Variants in EVI5 observed in about 807,000 individuals in gnomAD.
EVI5 encodes ecotropic viral integration site 5 protein homolog.
A neutral mutation model predicts 112.0 loss-of-function variants in EVI5; 73 were observed. The observed-to-expected ratio is 0.65, with a 90% CI of 0.54 to 0.79. The LOEUF (loss-of-function observed/expected upper bound fraction) is 0.79. Among genes scored for constraint, EVI5 ranks in the 30% least tolerant of loss-of-function variants. The pLI is 0.00. For synonymous variants in EVI5, 305 were observed against 319.9 expected (o/e 0.95, Z 0.50); for missense variants, 900 against 968.8 (o/e 0.93, Z 0.94).
chr1:92,568,953 G>C (rs1217905675), intron 18 of EVI5, among the ~76,000 whole-genome samples: 1 of 152,168 alleles, frequency 6.6e-6, no homozygotes, highest in Non-Finnish European at 1.5e-5. Flanking sequence ...AGTTTTGGGG[G>C]AGTCAAAAGT....
At chr1:92,747,435 C>T (rs1161966847) in intron 1 of EVI5, among the ~76,000 whole-genome samples, 2 of 151,888 alleles carry the variant, frequency 1.3e-5, no homozygotes, top group East Asian at 3.8e-4. Flanking sequence ...AGAAATAAGC[C>T]GGGTGTGGTG....
At chr1:92,749,042 G>C (rs965793155) in intron 1 of EVI5, 1 of 167,160 alleles carries the variant, frequency 6.0e-6, no homozygotes, top group African/African-American at 2.5e-5. Flanking sequence ...CTCTAGCCTG[G>C]GCAACAAGAG....
intron 19 of EVI5, among the ~76,000 whole-genome samples, chr1:92,556,580 T>C (rs1230582707): frequency 1.3e-5 from 2 of 152,208 alleles, no homozygotes; most frequent in Non-Finnish European, 2.9e-5. Flanking sequence ...TCCAAGAACC[T>C]ACTGACAATG....
intron 18 of EVI5, among the ~76,000 whole-genome samples, chr1:92,581,691 C>CTT (rs10658688): frequency 9.4e-6 from 1 of 105,958 alleles, no homozygotes; most frequent in African/African-American, 5.1e-5. Flanking sequence ...CAAGTTTTTG[C>CTT]TTAAAAAAAA....
chr1:92,611,425 G>A (rs965368761), intron 16 of EVI5, among the ~76,000 whole-genome samples: 18 of 151,788 alleles, frequency 1.2e-4, no homozygotes, highest in African/African-American at 3.9e-4. Flanking sequence ...TGGGCCGGGC[G>A]TGGTGGCTCA....
At position 92,740,131 on chromosome 1, in the gene EVI5, C is replaced by A. The variant is rs140099679; in HGVS notation, c.-81-3504G>T. ...AATATTTCCTAATACTTTTTCATAT[C>A]TGTTTACTGAATGAACACATGAGAT... On this transcript the variant is annotated intron_variant, in intron 1 of 19. Transcript: ENST00000684568. Among the ~76,000 whole-genome samples, 106 of 152,292 alleles carry A rather than the reference C, an allele frequency of 7.0e-4. 1 individual carries two copies. Among genetic ancestry groups the A allele is most frequent in the African/African-American group, 2.5e-3 (104 of 41,558 alleles).
chr1:92,704,676 A>G lies in EVI5; in HGVS notation c.218T>C (p.Leu73Pro). The change falls in exon 3 of 20, where the codon CTT becomes CCT. Residue 73 changes from leucine (L) to proline (P), a missense_variant. Coordinates refer to ENST00000684568, the MANE Select transcript of EVI5 (RefSeq NM_001350197.2). ...NGSRRNSGSS[L>P]VSSSSASSNL... ...GCTAGAGGCTGATGAACTCGACACAAGAGAAGAGCCACTGTTTCTTCTTGA... is the reference window on the plus strand; with the variant it reads ...GCTAGAGGCTGATGAACTCGACACAGGAGAAGAGCCACTGTTTCTTCTTGA... 6.2e-7 allele frequency: 1 copy of G among 1,604,692 alleles called. No individual in the cohort carries two copies. Among genetic ancestry groups the G allele is most frequent in the Non-Finnish European group, 8.5e-7 (1 of 1,173,872 alleles).
chr1:92,705,297 C>T lies in EVI5; in HGVS notation c.150-553G>A, dbSNP rs149028397. On this transcript the variant is annotated intron_variant, in intron 2 of 19. Coordinates refer to ENST00000684568, the MANE Select transcript of EVI5 (RefSeq NM_001350197.2). ...TAAAAACTGAGCTATTACTAATATA[C>T]TAAAATTGGAGGATTTCACATATTT... is the stretch of plus-strand genomic sequence containing the variant. Among the ~76,000 whole-genome samples, 322 of 152,242 alleles carry T rather than the reference C, an allele frequency of 2.1e-3. 5 individuals carry two copies. The East Asian group carries it at 0.045, about 21-fold the overall frequency.
chr1:92,627,155 T>C (rs1355761090), intron 14 of EVI5, among the ~76,000 whole-genome samples: 1 of 152,174 alleles, frequency 6.6e-6, no homozygotes, highest in Non-Finnish European at 1.5e-5. Flanking sequence ...CTTCTATCCC[T>C]CACTCCCCTC....
At chr1:92,658,631 A>G (rs1469121095) in intron 13 of EVI5, among the ~76,000 whole-genome samples, 1 of 152,222 alleles carries the variant, frequency 6.6e-6, no homozygotes. Context: ...TGGAAGAATC[A>G]GTATCATTAA....
rs1402712946 is a variant in EVI5 at position 92,564,680 on chromosome 1, AG to A, written c.2071-944del. ...CGAACATAAATTATTTTTCAGATAA[AG>A]ATTTTTTTTTTTTTTTTTGAGATGG... On this transcript the variant is annotated intron_variant, in intron 18 of 19. Coordinates refer to ENST00000684568, the MANE Select transcript of EVI5 (RefSeq NM_001350197.2). Among the ~76,000 whole-genome samples the A allele has an allele frequency of 1.2e-4, 13 of 108,142 alleles. No homozygotes were observed. In the South Asian group the frequency reaches 4.7e-3, roughly 39 times the overall value. The allele number at this position is 108,142 out of a possible 152,430, so 70.9% of individuals were successfully genotyped here. A position where few individuals can be genotyped will look rare whatever the true frequency, so the allele number is the denominator to read the frequency against.
chr1:92,695,161 G>T (rs976117219), intron 7 of EVI5, 149 bp downstream of exon 7: 2 of 575,190 alleles, frequency 3.5e-6, no homozygotes, highest in Non-Finnish European at 6.1e-6. Context: ...ACCTGATAGG[G>T]TTATTATAAG....
chr1:92,757,129 A>C (rs1681072910), intron 1 of EVI5, among the ~76,000 whole-genome samples: 2 of 152,234 alleles, frequency 1.3e-5, no homozygotes, highest in Non-Finnish European at 2.9e-5. Context: ...AACACCTGCA[A>C]GGACTAAACA....
intron 16 of EVI5, among the ~76,000 whole-genome samples, chr1:92,619,992 TA>T (rs1285708511): frequency 6.6e-6 from 1 of 151,956 alleles, no homozygotes; most frequent in Non-Finnish European, 1.5e-5. Context: ...TTGAACAATC[TA>T]ACACATGTAT....
chr1:92,595,297 C>A (rs1409207973), intron 18 of EVI5, among the ~76,000 whole-genome samples: 1 of 151,474 alleles, frequency 6.6e-6, no homozygotes, highest in Non-Finnish European at 1.5e-5. Context: ...CCATCATTCT[C>A]AGCAAACTAT....
intron 17 of EVI5, among the ~76,000 whole-genome samples, chr1:92,606,922 A>ACC (rs200417920): frequency 1.0e-4 from 13 of 129,076 alleles, no homozygotes; most frequent in Non-Finnish European, 1.8e-4. Flanking sequence ...ACACACACAC[A>ACC]CCCCCCCAAA....
chr1:92,718,010 A>C (rs1409540629), intron 2 of EVI5, among the ~76,000 whole-genome samples: 2 of 152,178 alleles, frequency 1.3e-5, no homozygotes, highest in Non-Finnish European at 2.9e-5. Context: ...CTAAATATAT[A>C]TGCACCCAAT....
intron 1 of EVI5, among the ~76,000 whole-genome samples, chr1:92,767,538 C>G (rs942417891): frequency 6.6e-6 from 1 of 152,138 alleles, no homozygotes; most frequent in Non-Finnish European, 1.5e-5. Context: ...AAAATGTTCT[C>G]TTAATCAAAA....
At chr1:92,614,840 TTATATATATATATATATATATATA>T (rs561640520) in intron 16 of EVI5, among the ~76,000 whole-genome samples, 7 of 12,612 alleles carry the variant, frequency 5.6e-4, no homozygotes. Context: ...ATGTTATATT[TTATATATATATATATATATATATA>T]TATATATATA....
Sources: gnomAD v4.1 joint callset for allele counts (sites outside exome capture counted in the v4.1 genomes callset) on GRCh38, gnomAD v4.1.1 for gene constraint, MANE v1.5 for transcripts, NCBI Gene and HGNC (gene_info 2026-07-23, HGNC 2026-07-21) for gene names.